The following MAF variants were observed in gnomAD, a reference collection of about 807,000 sequenced individuals.
MAF encodes the protein MAF bZIP transcription factor, also known as transcription factor Maf.
Under a neutral mutation model 22.0 loss-of-function variants are expected in MAF, and 10 were observed. The observed-to-expected ratio is 0.45, with a 90% CI of 0.28 to 0.77. MAF has a LOEUF of 0.77. Among genes scored for constraint, MAF ranks in the 30% least tolerant of loss-of-function variants. MAF has a pLI of 0.12. For missense variants in MAF, 544 were observed against 548.4 expected, an observed-to-expected ratio of 0.99 and a Z score of 0.08; for synonymous variants, 337 against 255.8, an observed-to-expected ratio of 1.32 and a Z score of -3.03.
At chr16:79,530,752 T>A in the MAF span, among the ~76,000 whole-genome samples, 8 of 152,330 alleles carry the variant, frequency 5.3e-5, no homozygotes, top group African/African-American at 1.9e-4. Flanking sequence ...AAATTAACGA[T>A]CAATTGTGGT....
the MAF span, among the ~76,000 whole-genome samples, chr16:79,502,708 A>ATACATATATATATAT: frequency 1.1e-3 from 36 of 33,990 alleles, 4 homozygotes; most frequent in South Asian, 3.2e-3. Context: ...TATAAATATA[A>ATACATATATATATAT]ATATATATAT....
the MAF span, among the ~76,000 whole-genome samples, chr16:79,386,022 T>C: frequency 6.6e-6 from 1 of 152,210 alleles, no homozygotes; most frequent in East Asian, 1.9e-4. Flanking sequence ...GAGCCTGTCC[T>C]CAGAGCTTAG....
At chr16:79,535,878 T>C in the MAF span, among the ~76,000 whole-genome samples, 1 of 152,186 alleles carries the variant, frequency 6.6e-6, no homozygotes, top group Non-Finnish European at 1.5e-5. Context: ...GCTGCATTGC[T>C]ACTTTAGTTC....
chr16:79,434,631 T>G, the MAF span, among the ~76,000 whole-genome samples: 1 of 151,528 alleles, frequency 6.6e-6, no homozygotes, highest in Admixed American at 6.6e-5. Flanking sequence ...CAATATATAT[T>G]TAATAAATAA....
At chr16:79,210,914 C>T in the MAF span, among the ~76,000 whole-genome samples, 1 of 152,152 alleles carries the variant, frequency 6.6e-6, no homozygotes. Flanking sequence ...GAAATGTACC[C>T]CCTTACCTGT....
chr16:79,244,527 T>G, the MAF span, among the ~76,000 whole-genome samples: 1 of 152,012 alleles, frequency 6.6e-6, no homozygotes, highest in Non-Finnish European at 1.5e-5. Flanking sequence ...GAAGGACTTC[T>G]TCAAGGAGAA....
the MAF span, among the ~76,000 whole-genome samples, chr16:79,448,107 C>T: frequency 4.6e-5 from 7 of 152,100 alleles, no homozygotes; most frequent in South Asian, 2.1e-4. Flanking sequence ...GCAGCAGCAG[C>T]GTTTGAGAGG....
At chr16:79,537,371 G>C in the MAF span, among the ~76,000 whole-genome samples, 1 of 152,132 alleles carries the variant, frequency 6.6e-6, no homozygotes, top group African/African-American at 2.4e-5. Flanking sequence ...ATTTTGATGA[G>C]TGTTTTATGT....
At chr16:79,396,526 T>G in the MAF span, among the ~76,000 whole-genome samples, 3 of 152,210 alleles carry the variant, frequency 2.0e-5, no homozygotes, top group Non-Finnish European at 4.4e-5. Context: ...TAGGAAGGCA[T>G]TGTGTGGTTA....
chr16:79,582,648 G>C (rs1163873593), downstream of MAF, among the ~76,000 whole-genome samples: 4 of 152,112 alleles, frequency 2.6e-5, no homozygotes, highest in Non-Finnish European at 5.9e-5. Context: ...ATCCAAATAA[G>C]CAACAATAAC....
chr16:79,363,076 G>T, the MAF span, among the ~76,000 whole-genome samples: 1 of 152,044 alleles, frequency 6.6e-6, no homozygotes, highest in Admixed American at 6.6e-5. Flanking sequence ...TCCCTAAAAG[G>T]GGGGGAACAT....
chr16:79,590,060 G>A (rs1324332303), downstream of MAF, among the ~76,000 whole-genome samples: 1 of 152,114 alleles, frequency 6.6e-6, no homozygotes, highest in Admixed American at 6.5e-5. Context: ...TACGCCCCTC[G>A]GGGGACCTCA....
At chr16:79,374,754 G>A in the MAF span, among the ~76,000 whole-genome samples, 2 of 152,156 alleles carry the variant, frequency 1.3e-5, no homozygotes, top group African/African-American at 4.8e-5. Flanking sequence ...ATTGGAAGAG[G>A]TAATTTATTT....
chr16:79,340,596 G>T, the MAF span, among the ~76,000 whole-genome samples: 1 of 151,636 alleles, frequency 6.6e-6, no homozygotes, highest in African/African-American at 2.4e-5. Context: ...CTTTGTGGTG[G>T]GACATTTAGG....
downstream of MAF, among the ~76,000 whole-genome samples, chr16:79,584,288 T>A (rs1474077078): frequency 6.6e-6 from 1 of 152,182 alleles, no homozygotes; most frequent in East Asian, 1.9e-4. Flanking sequence ...TTAACCAAAG[T>A]GACATTCTGA....
the MAF span, among the ~76,000 whole-genome samples, chr16:79,493,722 C>A: frequency 6.6e-6 from 1 of 152,220 alleles, no homozygotes; most frequent in Non-Finnish European, 1.5e-5. Context: ...ACAGCCACCT[C>A]AGCTTGCATT....
Position 79,594,169 on chromosome 16 carries a change from C to T in MAF, c.*291G>A. Reference sequence around the variant, plus strand: ...ATTATATATATGCATATATATGTATCTTTGTAATTTCAGTGAATTTTTAAA... The same window carrying T: ...ATTATATATATGCATATATATGTATTTTTGTAATTTCAGTGAATTTTTAAA... On this transcript the variant is annotated 3_prime_UTR_variant, in exon 2 of 2. Coordinates refer to ENST00000326043, the MANE Select transcript of MAF (RefSeq NM_005360.5). The T allele has an allele frequency of 2.4e-6, 1 of 419,962 alleles. No homozygotes were observed. The highest frequency in any genetic ancestry group is 2.9e-5 in the South Asian group (1 of 34,788). The allele number at this position is 419,962 out of a possible 1,614,324, so 26.0% of individuals were successfully genotyped here. A position where few individuals can be genotyped will look rare whatever the true frequency, so the allele number is the denominator to read the frequency against.
the MAF span, among the ~76,000 whole-genome samples, chr16:79,454,364 T>C: frequency 6.6e-6 from 1 of 151,864 alleles, no homozygotes; most frequent in African/African-American, 2.4e-5. Context: ...AAGTCTGTTG[T>C]AAGAGAAGGC....
the MAF span, among the ~76,000 whole-genome samples, chr16:79,262,682 A>G: frequency 6.6e-6 from 1 of 152,160 alleles, no homozygotes; most frequent in African/African-American, 2.4e-5. Flanking sequence ...TCCTTCTGTA[A>G]GAGCAGAATC....
Sources: gnomAD v4.1 joint callset for allele counts (sites outside exome capture counted in the v4.1 genomes callset) on GRCh38, gnomAD v4.1.1 for gene constraint, MANE v1.5 for transcripts, NCBI Gene and HGNC (gene_info 2026-07-23, HGNC 2026-07-21) for gene names.